The following DTNA variants were observed in gnomAD, a reference collection of about 807,000 sequenced individuals.
DTNA encodes dystrophin-related protein 3.
A neutral mutation model predicts 100.7 loss-of-function variants in DTNA; 43 were observed. The ratio of observed to expected loss-of-function variants is 0.43; its 90% CI spans 0.33 to 0.55. The LOEUF (loss-of-function observed/expected upper bound fraction) is 0.55, where lower values mean the gene tolerates loss of function less well. DTNA is among the 20% of genes least tolerant of loss of function. DTNA has a pLI of 0.04. For missense variants in DTNA, 798 were observed against 953.9 expected, an observed-to-expected ratio of 0.84 and a Z score of 2.15; for synonymous variants, 349 against 347.9, an observed-to-expected ratio of 1.00 and a Z score of -0.04.
chr18:34,632,136 T>C (rs1303757764), intron 1 of DTNA, among the ~76,000 whole-genome samples: 1 of 152,196 alleles, frequency 6.6e-6, no homozygotes, highest in African/African-American at 2.4e-5. Context: ...ATTTAATCCA[T>C]TTGTAATGTA....
At chr18:34,519,555 C>G (rs1241921915) in intron 1 of DTNA, among the ~76,000 whole-genome samples, 1 of 152,150 alleles carries the variant, frequency 6.6e-6, no homozygotes, top group African/African-American at 2.4e-5. Flanking sequence ...AATGAGATGA[C>G]AAGCCTAAAA....
intron 1 of DTNA, among the ~76,000 whole-genome samples, chr18:34,726,075 C>T (rs1424421260): frequency 2.0e-5 from 3 of 152,026 alleles, no homozygotes; most frequent in Non-Finnish European, 4.4e-5. Flanking sequence ...AGGGAGGGAA[C>T]GTCACACACC....
chr18:34,886,361 C>A (rs2096921462), intron 22 of DTNA, among the ~76,000 whole-genome samples: 1 of 152,182 alleles, frequency 6.6e-6, no homozygotes, highest in Non-Finnish European at 1.5e-5. Context: ...GCTCTCCTGA[C>A]TCATTACAAG....
intron 1 of DTNA, chr18:34,493,558 G>A (rs555115492): frequency 1.3e-5 from 2 of 152,156 alleles, no homozygotes; most frequent in Non-Finnish European, 2.9e-5. Context: ...CGGAGTGGGG[G>A]AGGGCGCGGG....
At chr18:34,864,415 G>A (rs1185951690) in intron 17 of DTNA, among the ~76,000 whole-genome samples, 4 of 151,952 alleles carry the variant, frequency 2.6e-5, no homozygotes, top group South Asian at 2.1e-4. Flanking sequence ...CACCGCGCCC[G>A]GCTAATGTTT....
chr18:34,539,999 A>G (rs1303154936), intron 1 of DTNA, among the ~76,000 whole-genome samples: 2 of 151,920 alleles, frequency 1.3e-5, no homozygotes, highest in African/African-American at 4.8e-5. Flanking sequence ...ATTAAACACA[A>G]TACTAAACCA....
At chr18:34,759,003 G>A (rs1272132074) in intron 2 of DTNA, among the ~76,000 whole-genome samples, 1 of 151,976 alleles carries the variant, frequency 6.6e-6, no homozygotes, top group Non-Finnish European at 1.5e-5. Flanking sequence ...GAGAAGCATA[G>A]ACTAAAAAAC....
intron 17 of DTNA, among the ~76,000 whole-genome samples, chr18:34,872,745 G>A (rs558620109): frequency 4.6e-5 from 7 of 152,176 alleles, no homozygotes; most frequent in Non-Finnish European, 1.0e-4. Context: ...GCCCTAGGAC[G>A]CTGCTCCAGC....
chr18:34,747,879 G>T (rs1369208082), intron 1 of DTNA, among the ~76,000 whole-genome samples: 1 of 152,060 alleles, frequency 6.6e-6, no homozygotes, highest in Non-Finnish European at 1.5e-5. Flanking sequence ...TTCTTTAAGG[G>T]ATCTCCATAG....
At chr18:34,676,919 G>A (rs2077467903) in intron 1 of DTNA, among the ~76,000 whole-genome samples, 1 of 152,190 alleles carries the variant, frequency 6.6e-6, no homozygotes, top group Non-Finnish European at 1.5e-5. Context: ...CAAGTGTCCA[G>A]TAGGCTGCAG....
At chr18:34,723,834 G>T (rs2147055486) in intron 1 of DTNA, among the ~76,000 whole-genome samples, 1 of 152,176 alleles carries the variant, frequency 6.6e-6, no homozygotes, top group Non-Finnish European at 1.5e-5. Context: ...AGGAGGCAGA[G>T]GTTGCAGTGA....
At chr18:34,814,520 GAA>G (rs112962760) in intron 6 of DTNA, among the ~76,000 whole-genome samples, 10 of 141,352 alleles carry the variant, frequency 7.1e-5, no homozygotes, top group African/African-American at 7.8e-5. Context: ...TCTCATCTCT[GAA>G]AAAAAAAAAA....
chr18:34,527,244 T>C (rs1339625145), intron 1 of DTNA, among the ~76,000 whole-genome samples: 2 of 151,976 alleles, frequency 1.3e-5, no homozygotes, highest in Non-Finnish European at 2.9e-5. Context: ...GTAAAACAGA[T>C]TAGACTAGAG....
intron 1 of DTNA, among the ~76,000 whole-genome samples, chr18:34,602,625 C>G (rs867792935): frequency 6.6e-6 from 1 of 151,898 alleles, no homozygotes; most frequent in African/African-American, 2.4e-5. Context: ...TGTCTGTAAT[C>G]CCAGCACATG....
chr18:34,844,592 C>T lies in DTNA; in HGVS notation c.1347-3704C>T, dbSNP rs188292644. 3.9e-4 allele frequency among the ~76,000 whole-genome samples: 55 copies of T among 139,786 alleles called. 1 individual carries two copies. Among genetic ancestry groups the T allele is most frequent in the African/African-American group, 1.4e-3 (50 of 36,654 alleles). 91.7% of individuals were successfully genotyped at this position (139,786 alleles called of 152,430 possible). A position where few individuals can be genotyped will look rare whatever the true frequency, so the allele number is the denominator to read the frequency against. On this transcript the variant is annotated intron_variant, in intron 13 of 22. Coordinates refer to ENST00000444659, the MANE Select transcript of DTNA (RefSeq NM_001386795.1). The stretch of plus-strand genomic sequence containing the variant: ...TAATAGAAGAGTAGTACATGAAACT[C>T]GATGGCCTTCTAAATTAATTTCTAG...
chr18:34,533,520 A>G (rs2043364530), intron 1 of DTNA, among the ~76,000 whole-genome samples: 1 of 152,130 alleles, frequency 6.6e-6, no homozygotes, highest in South Asian at 2.1e-4. Flanking sequence ...TGTAACTGGA[A>G]CTAGAGGCAA....
intron 1 of DTNA, among the ~76,000 whole-genome samples, chr18:34,493,688 C>T (rs1172531825): frequency 6.7e-6 from 1 of 149,206 alleles, no homozygotes; most frequent in African/African-American, 2.4e-5. Context: ...GACGCGCAGC[C>T]CCGGCTGCGC....
intron 17 of DTNA, chr18:34,866,664 C>CT: frequency 1.0e-6 from 1 of 1,004,320 alleles, no homozygotes; most frequent in Non-Finnish European, 1.2e-6. Flanking sequence ...ATTATTGAGC[C>CT]TTGTTCCCCA....
chr18:34,537,861 T>G (rs2043868346), intron 1 of DTNA, among the ~76,000 whole-genome samples: 1 of 151,890 alleles, frequency 6.6e-6, no homozygotes, highest in Non-Finnish European at 1.5e-5. Flanking sequence ...CTTGAAAAAA[T>G]ATGTTATAAA....
Sources: gnomAD v4.1 joint callset for allele counts (sites outside exome capture counted in the v4.1 genomes callset) on GRCh38, gnomAD v4.1.1 for gene constraint, MANE v1.5 for transcripts, NCBI Gene and HGNC (gene_info 2026-07-23, HGNC 2026-07-21) for gene names.